R3HDM1: variants seen among roughly 807,000 people sequenced by gnomAD.
R3HDM1 encodes R3H domain containing 1, also known as R3H domain-containing protein 1.
A neutral mutation model predicts 141.1 loss-of-function variants in R3HDM1; 46 were observed. The observed-to-expected ratio is 0.33, with a 90% CI of 0.26 to 0.42. The LOEUF (loss-of-function observed/expected upper bound fraction) is 0.42, where lower values mean the gene tolerates loss of function less well. R3HDM1 is among the 10% of genes least tolerant of loss of function. The pLI, the probability that R3HDM1 is intolerant of heterozygous loss-of-function variation, is 1.00. For synonymous variants in R3HDM1, 435 were observed against 472.9 expected (o/e 0.92, Z 1.04); for missense variants, 1,184 against 1,368.3 (o/e 0.87, Z 2.12).
At chr2:135,673,957 T>C (rs368385723) in intron 19 of R3HDM1, among the ~76,000 whole-genome samples, 2 of 152,246 alleles carry the variant, frequency 1.3e-5, no homozygotes, top group African/African-American at 4.8e-5. Flanking sequence ...GGAGACAAGA[T>C]TTGGCCATGT....
At chr2:135,574,349 T>A (rs1276801944) in intron 1 of R3HDM1, among the ~76,000 whole-genome samples, 1 of 152,194 alleles carries the variant, frequency 6.6e-6, no homozygotes, top group African/African-American at 2.4e-5. Context: ...AAGAAATAAT[T>A]CTTCTAAACT....
At chr2:135,605,341 C>G in intron 3 of R3HDM1, 1 of 173,184 alleles carries the variant, frequency 5.8e-6, no homozygotes, top group Non-Finnish European at 1.2e-5. Context: ...CCTAAGAGCT[C>G]TTAAAGGAAA....
chr2:135,605,107 A>G, intron 3 of R3HDM1, 91 bp downstream of exon 3: 2 of 1,190,436 alleles, frequency 1.7e-6, no homozygotes, highest in South Asian at 1.6e-5. Flanking sequence ...TCAAAATTCT[A>G]AAAGGGTAAG....
chr2:135,566,874 G>C, intron 1 of R3HDM1: 2 of 576,496 alleles, frequency 3.5e-6, no homozygotes, highest in Non-Finnish European at 4.4e-6. Context: ...TGGCAGGCTG[G>C]GGCAGAAGAA....
At chr2:135,533,945 G>T in intron 1 of R3HDM1, 1 of 946,622 alleles carries the variant, frequency 1.1e-6, no homozygotes, top group Non-Finnish European at 1.3e-6. Context: ...CACAGTTTGT[G>T]CAATAAATAT....
At chr2:135,531,861 C>T (rs1469030746) in intron 1 of R3HDM1, 1 of 984,562 alleles carries the variant, frequency 1.0e-6, no homozygotes, top group African/African-American at 1.7e-5. Flanking sequence ...GTGAGCCAGG[C>T]TCGCCTGGCC....
intron 18 of R3HDM1, among the ~76,000 whole-genome samples, chr2:135,658,083 T>C (rs1010474659): frequency 6.6e-6 from 1 of 152,228 alleles, no homozygotes; most frequent in African/African-American, 2.4e-5. Context: ...TATATCACAA[T>C]GGTAAGTATT....
chr2:135,617,405 C>A (rs1227312214), intron 5 of R3HDM1, among the ~76,000 whole-genome samples: 3 of 151,990 alleles, frequency 2.0e-5, no homozygotes, highest in Non-Finnish European at 4.4e-5. Flanking sequence ...TTAGTTTTAC[C>A]TTTTAGAAAT....
chr2:135,641,513 ATT>A, intron 14 of R3HDM1, 21 bp from the exon 15 acceptor site: 1 of 1,569,680 alleles, frequency 6.4e-7, no homozygotes. Context: ...AAAAATCCAT[ATT>A]TTTCATTACT....
intron 18 of R3HDM1, among the ~76,000 whole-genome samples, chr2:135,661,064 T>A (rs1039172020): frequency 6.6e-6 from 1 of 152,170 alleles, no homozygotes; most frequent in East Asian, 1.9e-4. Flanking sequence ...AATTAAAATC[T>A]AAATATGATT....
chr2:135,643,668 T>G (rs773192290), intron 15 of R3HDM1, among the ~76,000 whole-genome samples: 11 of 152,198 alleles, frequency 7.2e-5, no homozygotes, highest in Non-Finnish European at 1.6e-4. Flanking sequence ...GTTAACGATA[T>G]GATTATGGGG....
chr2:135,654,863 AGTGTGTGTGTGTGTGT>A (rs60593262), intron 18 of R3HDM1, among the ~76,000 whole-genome samples: 5 of 136,620 alleles, frequency 3.7e-5, no homozygotes, highest in South Asian at 4.6e-4. Context: ...GTGTATATAA[AGTGTGTGTGTGTGTGT>A]GTGTGTGTGT....
intron 14 of R3HDM1, 75 bp from the exon 15 acceptor site, chr2:135,641,461 T>G (rs2105247789): frequency 3.5e-6 from 5 of 1,445,664 alleles, no homozygotes; most frequent in Non-Finnish European, 4.7e-6. Flanking sequence ...AATGTAAATT[T>G]TATTGTTGTT....
intron 1 of R3HDM1, among the ~76,000 whole-genome samples, chr2:135,587,382 C>G (rs188102425): frequency 3.9e-5 from 6 of 152,210 alleles, no homozygotes; most frequent in Admixed American, 3.3e-4. Flanking sequence ...CCTCCATTTA[C>G]AAAACAATTA....
chr2:135,596,138 A>AATCC (rs2059161054), intron 1 of R3HDM1, among the ~76,000 whole-genome samples: 3 of 152,084 alleles, frequency 2.0e-5, no homozygotes, highest in Admixed American at 2.0e-4. Context: ...AGCTGGGATT[A>AATCC]CAGGTGTGCA....
intron 11 of R3HDM1, among the ~76,000 whole-genome samples, chr2:135,637,990 T>C (rs1001293149): frequency 1.3e-5 from 2 of 152,192 alleles, no homozygotes; most frequent in Admixed American, 6.5e-5. Context: ...AGTAAAACTT[T>C]GTTTGCAGAA....
At chr2:135,635,251 A>G (rs998934636) in intron 9 of R3HDM1, among the ~76,000 whole-genome samples, 3 of 152,204 alleles carry the variant, frequency 2.0e-5, no homozygotes, top group African/African-American at 7.2e-5. Flanking sequence ...CAGGTATAAC[A>G]CCAAACTAGG....
intron 1 of R3HDM1, among the ~76,000 whole-genome samples, chr2:135,554,244 AT>A (rs565295057): frequency 5.9e-5 from 9 of 152,338 alleles, no homozygotes; most frequent in Admixed American, 5.9e-4. Context: ...TATTCTGGAC[AT>A]TTCATATATG....
chr2:135,715,777 T>C (rs1575226509), intron 24 of R3HDM1, 83 bp downstream of exon 24: 3 of 1,490,590 alleles, frequency 2.0e-6, no homozygotes, highest in Admixed American at 2.0e-5. Flanking sequence ...CTTGGTAATA[T>C]TGCCTTTCTA....
Sources: allele counts gnomAD v4.1 joint callset (sites outside exome capture counted in the v4.1 genomes callset), GRCh38; gene constraint gnomAD v4.1.1; transcripts MANE v1.5; gene names NCBI Gene and HGNC (gene_info 2026-07-23, HGNC 2026-07-21).